ZNG1B: variants seen among roughly 807,000 people sequenced by gnomAD.
ZNG1B encodes Zn regulated GTPase metalloprotein activator 1B.
the ZNG1B span, among the ~76,000 whole-genome samples, chr2:113,457,765 G>T: frequency 1.4e-5 from 2 of 140,310 alleles, no homozygotes; most frequent in African/African-American, 2.6e-5. Context: ...TTTGAGGGGG[G>T]TGGTAAGAAC....
chr2:113,471,536 G>T, the ZNG1B span, among the ~76,000 whole-genome samples: 1 of 151,104 alleles, frequency 6.6e-6, no homozygotes, highest in Middle Eastern at 3.2e-3. Context: ...CAATGTGCAG[G>T]TTAGTTACAT....
the ZNG1B span, among the ~76,000 whole-genome samples, chr2:113,490,617 A>C: frequency 6.6e-6 from 1 of 152,246 alleles, no homozygotes; most frequent in Non-Finnish European, 1.5e-5. Context: ...GAGAAAATCC[A>C]AATAAGCTCA....
At chr2:113,486,586 T>C in the ZNG1B span, among the ~76,000 whole-genome samples, 1 of 151,792 alleles carries the variant, frequency 6.6e-6, no homozygotes, top group African/African-American at 2.4e-5. Context: ...GAAACCCCAT[T>C]TCTGCAAAAA....
chr2:113,462,726 G>A, the ZNG1B span: 1 of 536,028 alleles, frequency 1.9e-6, no homozygotes. Flanking sequence ...GATATTCAGG[G>A]TCTTCGCACT....
At chr2:113,471,702 A>G in the ZNG1B span, among the ~76,000 whole-genome samples, 1 of 140,954 alleles carries the variant, frequency 7.1e-6, no homozygotes, top group African/African-American at 2.7e-5. Flanking sequence ...CTCATTGTTC[A>G]ATTCCCACCT....
At chr2:113,442,993 G>T in the ZNG1B span, among the ~76,000 whole-genome samples, 2 of 150,964 alleles carry the variant, frequency 1.3e-5, no homozygotes, top group Non-Finnish European at 2.9e-5. Flanking sequence ...TTTTGAGATG[G>T]AGTCTCGCTG....
chr2:113,460,641 T>A, the ZNG1B span: 3 of 1,585,222 alleles, frequency 1.9e-6, no homozygotes, highest in Admixed American at 1.7e-5. Flanking sequence ...TATTGTATTA[T>A]AGTAACTTTA....
At chr2:113,473,603 G>C in the ZNG1B span, among the ~76,000 whole-genome samples, 1 of 151,160 alleles carries the variant, frequency 6.6e-6, no homozygotes, top group Non-Finnish European at 1.5e-5. Flanking sequence ...TGCCCATTCA[G>C]TATGATATTG....
At chr2:113,484,545 G>GT in the ZNG1B span, among the ~76,000 whole-genome samples, 3 of 152,230 alleles carry the variant, frequency 2.0e-5, no homozygotes, top group Admixed American at 6.5e-5. Flanking sequence ...CATGAGGATA[G>GT]TTTTTTGTTT....
the ZNG1B span, among the ~76,000 whole-genome samples, chr2:113,487,259 G>A: frequency 1.3e-5 from 2 of 151,894 alleles, no homozygotes; most frequent in Non-Finnish European, 2.9e-5. Context: ...CATAGCTTAG[G>A]TGTGTAGTAG....
chr2:113,444,571 A>G, the ZNG1B span, among the ~76,000 whole-genome samples: 2 of 152,062 alleles, frequency 1.3e-5, no homozygotes, highest in South Asian at 2.1e-4. Flanking sequence ...AATGTAAAAT[A>G]GAATTATATG....
At chr2:113,463,936 C>T in the ZNG1B span, among the ~76,000 whole-genome samples, 7 of 152,190 alleles carry the variant, frequency 4.6e-5, no homozygotes, top group Non-Finnish European at 8.8e-5. Flanking sequence ...CATTTTTTGA[C>T]ACTGGTCTCC....
the ZNG1B span, among the ~76,000 whole-genome samples, chr2:113,480,567 G>A: frequency 2.5e-5 from 3 of 118,856 alleles, no homozygotes; most frequent in Non-Finnish European, 3.4e-5. Context: ...CCCTTTACAT[G>A]TTGTATCCTT....
At chr2:113,444,607 CTATTA>C in the ZNG1B span, among the ~76,000 whole-genome samples, 3 of 151,822 alleles carry the variant, frequency 2.0e-5, no homozygotes, top group African/African-American at 7.3e-5. Flanking sequence ...GTCCCTTTAG[CTATTA>C]TATTAAACTA....
the ZNG1B span, among the ~76,000 whole-genome samples, chr2:113,450,602 TGG>T: frequency 7.3e-6 from 1 of 136,810 alleles, no homozygotes; most frequent in Admixed American, 7.6e-5. Flanking sequence ...TAGTTTTTAT[TGG>T]GTTATGTATC....
chr2:113,446,860 A>G, the ZNG1B span, among the ~76,000 whole-genome samples: 17 of 152,058 alleles, frequency 1.1e-4, 1 homozygote, highest in South Asian at 3.3e-3. Flanking sequence ...GGATCTCTCT[A>G]TGCCAGTGCT....
the ZNG1B span, among the ~76,000 whole-genome samples, chr2:113,439,589 G>A: frequency 3.3e-5 from 5 of 152,256 alleles, no homozygotes; most frequent in East Asian, 9.7e-4. Context: ...ATCCCTATGG[G>A]TTAAAATCCA....
the ZNG1B span, chr2:113,445,136 G>A: frequency 6.5e-7 from 1 of 1,549,374 alleles, no homozygotes; most frequent in Non-Finnish European, 8.8e-7. Context: ...TATCTAACAT[G>A]AGGATTAAAG....
chr2:113,471,685 A>G, the ZNG1B span, among the ~76,000 whole-genome samples: 1 of 125,774 alleles, frequency 8.0e-6, no homozygotes, highest in African/African-American at 3.1e-5. Flanking sequence ...TCCTGTGTCC[A>G]TGTGTTCTCA....
Sources: gnomAD v4.1 joint callset for allele counts (sites outside exome capture counted in the v4.1 genomes callset) on GRCh38, gnomAD v4.1.1 for gene constraint, MANE v1.5 for transcripts, NCBI Gene and HGNC (gene_info 2026-07-23, HGNC 2026-07-21) for gene names.